ZBTB20: variants seen among roughly 807,000 people sequenced by gnomAD.
The protein encoded by ZBTB20 is zinc finger and BTB domain-containing protein 20.
Under a neutral mutation model 56.9 loss-of-function variants are expected in ZBTB20, and 9 were observed. The ratio of observed to expected loss-of-function variants is 0.16; its 90% CI spans 0.10 to 0.28. The LOEUF is 0.28. Among genes scored for constraint, ZBTB20 ranks in the 10% least tolerant of loss-of-function variants. The pLI, the probability that ZBTB20 is intolerant of heterozygous loss-of-function variation, is 1.00. For synonymous variants in ZBTB20, 417 were observed against 420.7 expected (o/e 0.99, Z 0.11); for missense variants, 655 against 1,003.0 (o/e 0.65, Z 4.69).
chr3:114,846,487 GGCACTGAGACCT>G (rs2074711475), intron 4 of ZBTB20, among the ~76,000 whole-genome samples: 1 of 152,144 alleles, frequency 6.6e-6, no homozygotes, highest in South Asian at 2.1e-4. Context: ...TCCTGGTGAG[GGCACTGAGACCT>G]GCTAGTTAGG....
rs372171403 is a variant in ZBTB20, at chr3:114,842,510, C to T, written c.-416-41336G>A. On this transcript the variant is annotated intron_variant, in intron 4 of 11. Coordinates refer to ENST00000675478, the MANE Select transcript of ZBTB20 (RefSeq NM_001348800.3). ...AAGCCACACCAAGTCTCTACCTTCA[C>T]GGAGCTTACACAGTAGTAAAATGGC... Among the ~76,000 whole-genome samples, 10 of 152,100 alleles carry T rather than the reference C, an allele frequency of 6.6e-5. No individual in the cohort carries two copies. In the East Asian group the frequency reaches 7.7e-4, roughly 12 times the overall value.
intron 4 of ZBTB20, among the ~76,000 whole-genome samples, chr3:114,839,735 C>T (rs2074303052): frequency 6.6e-6 from 1 of 152,158 alleles, no homozygotes; most frequent in Non-Finnish European, 1.5e-5. Context: ...AATCCAATAA[C>T]ATTTTCTTAT....
chr3:114,480,319 A>C (rs2041385240), intron 7 of ZBTB20, among the ~76,000 whole-genome samples: 1 of 152,132 alleles, frequency 6.6e-6, no homozygotes, highest in African/African-American at 2.4e-5. Flanking sequence ...TTGAATTTGG[A>C]TAAAACTCAA....
chr3:115,011,936 T>C (rs893182778), intron 2 of ZBTB20, among the ~76,000 whole-genome samples: 27 of 151,898 alleles, frequency 1.8e-4, no homozygotes, highest in Non-Finnish European at 3.2e-4. Context: ...AGAGTTTTTC[T>C]TAGTTTTCTA....
intron 5 of ZBTB20, among the ~76,000 whole-genome samples, chr3:114,701,204 C>T (rs942455217): frequency 3.3e-5 from 5 of 152,110 alleles, no homozygotes; most frequent in East Asian, 1.9e-4. Context: ...TCAGCAACAC[C>T]GTGTTGAAAA....
chr3:114,887,451 T>C (rs778398974), intron 4 of ZBTB20, among the ~76,000 whole-genome samples: 1 of 152,164 alleles, frequency 6.6e-6, no homozygotes, highest in Admixed American at 6.5e-5. Context: ...AACCATGAGA[T>C]AAAATCATCC....
intron 7 of ZBTB20, among the ~76,000 whole-genome samples, chr3:114,397,570 C>T (rs1216286794): frequency 2.3e-5 from 3 of 131,368 alleles, no homozygotes; most frequent in Non-Finnish European, 5.1e-5. Context: ...ATCATCACCA[C>T]ATACCTTTTT....
intron 6 of ZBTB20, among the ~76,000 whole-genome samples, chr3:114,541,676 T>C (rs2049131939): frequency 6.6e-6 from 1 of 152,168 alleles, no homozygotes. Flanking sequence ...AGACCTTTTC[T>C]TCAACATATG....
chr3:115,014,190 T>C (rs1268991161), intron 2 of ZBTB20, among the ~76,000 whole-genome samples: 1 of 151,684 alleles, frequency 6.6e-6, no homozygotes, highest in African/African-American at 2.4e-5. Flanking sequence ...TGTTTGAACT[T>C]ATTTGTGGAA....
chr3:114,400,030 AC>A (rs1409623569), intron 7 of ZBTB20, among the ~76,000 whole-genome samples: 1 of 152,054 alleles, frequency 6.6e-6, no homozygotes, highest in Non-Finnish European at 1.5e-5. Flanking sequence ...GAGTAGTAGA[AC>A]TTAATCTAAA....
chr3:114,822,438 C>T (rs1045469622), intron 4 of ZBTB20, among the ~76,000 whole-genome samples: 1 of 151,860 alleles, frequency 6.6e-6, no homozygotes, highest in Non-Finnish European at 1.5e-5. Context: ...ATGAAACAAA[C>T]AGAAATTTCA....
chr3:114,936,865 A>G (rs1297721572), intron 3 of ZBTB20, among the ~76,000 whole-genome samples: 1 of 152,110 alleles, frequency 6.6e-6, no homozygotes, highest in Non-Finnish European at 1.5e-5. Flanking sequence ...GGTATGTGAG[A>G]TAATTATTTG....
chr3:115,135,668 T>C (rs1417705118), intron 1 of ZBTB20, among the ~76,000 whole-genome samples: 1 of 152,186 alleles, frequency 6.6e-6, no homozygotes, highest in Non-Finnish European at 1.5e-5. Flanking sequence ...AAAAAGTATG[T>C]CAGCTATTTA....
chr3:114,929,219 C>G (rs566570339), intron 3 of ZBTB20, among the ~76,000 whole-genome samples: 1 of 152,150 alleles, frequency 6.6e-6, no homozygotes, highest in African/African-American at 2.4e-5. Context: ...TGCAGTGCAT[C>G]AGTGCTATCC....
At chr3:114,877,150 T>C (rs1287002122) in intron 4 of ZBTB20, among the ~76,000 whole-genome samples, 1 of 152,232 alleles carries the variant, frequency 6.6e-6, no homozygotes, top group African/African-American at 2.4e-5. Flanking sequence ...TTTCAATAAC[T>C]ATATGCTAGA....
intron 7 of ZBTB20, among the ~76,000 whole-genome samples, chr3:114,479,934 C>T (rs2041337918): frequency 6.6e-6 from 1 of 152,192 alleles, no homozygotes; most frequent in Non-Finnish European, 1.5e-5. Context: ...ACAGTAACAA[C>T]CCGCTCAGGG....
At chr3:114,731,471 A>G (rs536465682) in intron 5 of ZBTB20, among the ~76,000 whole-genome samples, 2 of 152,214 alleles carry the variant, frequency 1.3e-5, no homozygotes, top group Non-Finnish European at 2.9e-5. Flanking sequence ...TTTTCTATGT[A>G]TCTGGACTCA....
At chr3:114,869,553 T>G (rs2075902636) in intron 4 of ZBTB20, among the ~76,000 whole-genome samples, 2 of 152,136 alleles carry the variant, frequency 1.3e-5, no homozygotes, top group African/African-American at 2.4e-5. Context: ...TTCATCAGAC[T>G]TAAGGTGTTT....
At chr3:114,846,922 A>C (rs1307761902) in intron 4 of ZBTB20, among the ~76,000 whole-genome samples, 1 of 152,208 alleles carries the variant, frequency 6.6e-6, no homozygotes, top group Non-Finnish European at 1.5e-5. Flanking sequence ...ATATGAGATT[A>C]CCATCCTAAC....
Sources: allele counts gnomAD v4.1 joint callset (sites outside exome capture counted in the v4.1 genomes callset), GRCh38; gene constraint gnomAD v4.1.1; transcripts MANE v1.5; gene names NCBI Gene and HGNC (gene_info 2026-07-23, HGNC 2026-07-21).